TPCN2: variants seen among roughly 807,000 people sequenced by gnomAD.
TPCN2 encodes two pore channel protein 2.
TPCN2 carries 92 observed loss-of-function variants against 111.4 expected under a neutral mutation model. The ratio of observed to expected loss-of-function variants is 0.83; its 90% CI spans 0.70 to 0.98. The LOEUF (loss-of-function observed/expected upper bound fraction) is 0.98. TPCN2 is among the 50% of genes least tolerant of loss of function. The pLI is 0.00. For synonymous variants in TPCN2, 405 were observed against 414.5 expected (o/e 0.98, Z 0.28); for missense variants, 995 against 980.1 (o/e 1.02, Z -0.20).
chr11:69,064,770 G>A (rs959323548), intron 7 of TPCN2, among the ~76,000 whole-genome samples: 1 of 152,246 alleles, frequency 6.6e-6, no homozygotes, highest in African/African-American at 2.4e-5. Flanking sequence ...CACCCAGGGC[G>A]GAAGCGGTCA....
At position 69,063,913 on chromosome 11, in the gene TPCN2, C is replaced by T. The variant is rs1437343382; in HGVS notation, c.672C>T (p.Ala224=). The change falls in exon 7 of 25, where the codon GCC becomes GCT. Residue 224 remains alanine, a synonymous_variant. Coordinates refer to ENST00000294309, the MANE Select transcript of TPCN2 (RefSeq NM_139075.4). The part of the protein sequence containing the change: ...PEMASVGLLL[A]IHLCLFTMFG... ...CCCCCAGCGTCGGGCTGCTGCTGGC[C>T]ATCCACCTGTGCCTCTTCACCATGT... 1.9e-6 allele frequency: 3 copies of T among 1,613,976 alleles called. No homozygotes were observed. The highest frequency in any genetic ancestry group is 2.5e-6 in the Non-Finnish European group (3 of 1,180,010).
At chr11:69,071,683 C>T (rs756104685) in intron 10 of TPCN2, among the ~76,000 whole-genome samples, 15 of 152,198 alleles carry the variant, frequency 9.9e-5, no homozygotes, top group Non-Finnish European at 2.2e-4. Context: ...AGAGGAGAAA[C>T]GCGGCCCAGC....
At chr11:69,080,776 A>G (rs986228140) in intron 17 of TPCN2, among the ~76,000 whole-genome samples, 1 of 152,206 alleles carries the variant, frequency 6.6e-6, no homozygotes, top group Non-Finnish European at 1.5e-5. Context: ...TGGGGCTGGC[A>G]TTGCCTTGTC....
chr11:69,084,082 A>G, intron 19 of TPCN2, 66 bp downstream of exon 19: 1 of 1,533,048 alleles, frequency 6.5e-7, no homozygotes, highest in Non-Finnish European at 9.0e-7. Context: ...GGCTGGCGGA[A>G]GGCAGTGCCG....
chr11:69,071,253 T>C (rs1855523243), intron 9 of TPCN2, 103 bp from the exon 10 acceptor site: 4 of 858,068 alleles, frequency 4.7e-6, no homozygotes, highest in Non-Finnish European at 7.8e-6. Flanking sequence ...TTCCATTTGA[T>C]AGGGGACGCC....
At chr11:69,068,324 T>G (rs1275177635) in intron 8 of TPCN2, among the ~76,000 whole-genome samples, 1 of 132,846 alleles carries the variant, frequency 7.5e-6, no homozygotes, top group Non-Finnish European at 1.6e-5. Context: ...GCCGTCTGAG[T>G]CCTAGGAAGT....
chr11:69,080,662 G>A (rs1437340362), intron 17 of TPCN2, among the ~76,000 whole-genome samples: 1 of 152,206 alleles, frequency 6.6e-6, no homozygotes, highest in African/African-American at 2.4e-5. Context: ...CGCTTGGTGG[G>A]GGTGGGGACG....
In TPCN2 at chr11:69,089,478, T is replaced by C. The variant is rs1306363359; in HGVS notation, c.*1525T>C. The C allele has an allele frequency of 6.6e-6, 1 of 152,268 alleles. No individual in the cohort carries two copies. The highest frequency in any genetic ancestry group is 1.5e-5 in the Non-Finnish European group (1 of 68,058). The allele number at this position is 152,268 out of a possible 1,614,324, so 9.4% of individuals were successfully genotyped here. ...GGACGGTGGCTCCGTCTCCCTGGGC[T>C]TAGACGACCTTGGCACTTCTGGAGA... On this transcript the variant is annotated 3_prime_UTR_variant, in exon 25 of 25. Transcript: ENST00000294309.
At chr11:69,070,762 A>C (rs538711024) in intron 9 of TPCN2, among the ~76,000 whole-genome samples, 89 of 124,596 alleles carry the variant, frequency 7.1e-4, no homozygotes, top group African/African-American at 2.4e-3. Context: ...GCTTCACCCC[A>C]GAGATCCCCC....
rs112099374 is a variant in TPCN2 at position 69,088,073 on chromosome 11, C to G, written c.*120C>G. On this transcript the variant is annotated 3_prime_UTR_variant, in exon 25 of 25. Transcript: ENST00000294309. ...AGGCAGGAAGAGACCTTTCCTCTGA[C>G]GGACCACTAAGCTGGGGACAGGAAC... 1 of 811,972 alleles carries G rather than the reference C, an allele frequency of 1.2e-6. No homozygotes were observed. Among genetic ancestry groups the G allele is most frequent in the Non-Finnish European group, 1.9e-6 (1 of 524,104 alleles). The allele number at this position is 811,972 out of a possible 1,614,324, so 50.3% of individuals were successfully genotyped here.
At chr11:69,056,146 A>G (rs1854754477) in intron 4 of TPCN2, among the ~76,000 whole-genome samples, 2 of 152,182 alleles carry the variant, frequency 1.3e-5, no homozygotes, top group Admixed American at 1.3e-4. Flanking sequence ...ATCCATGCCC[A>G]TGGTGTTAGA....
rs1856384026 is a variant in TPCN2, at chr11:69,089,697, G to A, written c.*1744G>A. The A allele has an allele frequency of 6.6e-6, 1 of 152,420 alleles. No homozygotes were observed. Among genetic ancestry groups the A allele is most frequent in the East Asian group, 1.9e-4 (1 of 5,186 alleles). The allele number at this position is 152,420 out of a possible 1,614,324, so 9.4% of individuals were successfully genotyped here. A position where few individuals can be genotyped will look rare whatever the true frequency, so the allele number is the denominator to read the frequency against. ...CTGGTCAGCTTCTCCACTGCCCAGTGAACGACCCCTTTGTAATGAATGAGT... is the reference window on the plus strand; with the variant it reads ...CTGGTCAGCTTCTCCACTGCCCAGTAAACGACCCCTTTGTAATGAATGAGT... On this transcript the variant is annotated 3_prime_UTR_variant, in exon 25 of 25. Transcript: ENST00000294309.
chr11:69,065,464 A>C (rs1855232222), intron 7 of TPCN2, among the ~76,000 whole-genome samples: 1 of 152,164 alleles, frequency 6.6e-6, no homozygotes, highest in African/African-American at 2.4e-5. Flanking sequence ...CTAGGGGAGC[A>C]AGGTGTACCT....
chr11:69,055,437 G>A (rs1854712609), intron 4 of TPCN2, 85 bp downstream of exon 4: 1 of 1,341,714 alleles, frequency 7.5e-7, no homozygotes, highest in Admixed American at 2.8e-5. Flanking sequence ...CTGATTCTCT[G>A]GAGTGAGCTG....
At chr11:69,075,222 T>C (rs937954883) in intron 13 of TPCN2, among the ~76,000 whole-genome samples, 2 of 152,168 alleles carry the variant, frequency 1.3e-5, no homozygotes, top group Non-Finnish European at 2.9e-5. Context: ...GTTTTCTGAC[T>C]CCTTCTTTCC....
At chr11:69,060,151 C>T (rs1230104762) in intron 5 of TPCN2, among the ~76,000 whole-genome samples, 1 of 152,224 alleles carries the variant, frequency 6.6e-6, no homozygotes, top group African/African-American at 2.4e-5. Flanking sequence ...GTCTTCCACT[C>T]TTCTCTCTCC....
At chr11:69,058,511 C>T (rs12294559) in intron 5 of TPCN2, among the ~76,000 whole-genome samples, 161 of 89,362 alleles carry the variant, frequency 1.8e-3, no homozygotes, top group African/African-American at 4.3e-3. Context: ...TGAGGTTGGT[C>T]CCAGCAGTGC....
chr11:69,067,324 G>A (rs932248902), intron 7 of TPCN2, among the ~76,000 whole-genome samples, 179 bp from the exon 8 acceptor site: 2 of 152,230 alleles, frequency 1.3e-5, no homozygotes, highest in South Asian at 2.1e-4. Context: ...GCCCACTCTT[G>A]CGCCCGGAGA....
chr11:69,055,178 T>G lies in TPCN2; in HGVS notation c.255T>G (p.Thr85=), dbSNP rs1854700563. The change falls in exon 4 of 25, where the codon ACT becomes ACG. Residue 85 remains threonine, a synonymous_variant. Transcript: ENST00000294309. ...CATGTTTCTGTCCCCTTTCCAGGACTTTGAGCTTCACCATCTTCTTGATCC... is the reference window on the plus strand; with the variant it reads ...CATGTTTCTGTCCCCTTTCCAGGACGTTGAGCTTCACCATCTTCTTGATCC... The part of the protein sequence containing the change: ...RRYYSNVCQR[T]LSFTIFLILF... The G allele has an allele frequency of 6.2e-7, 1 of 1,613,888 alleles. No homozygotes were observed. Among genetic ancestry groups the G allele is most frequent in the African/African-American group, 1.3e-5 (1 of 74,950 alleles).
Sources: allele counts gnomAD v4.1 joint callset (sites outside exome capture counted in the v4.1 genomes callset), GRCh38; gene constraint gnomAD v4.1.1; transcripts MANE v1.5; gene names NCBI Gene and HGNC (gene_info 2026-07-23, HGNC 2026-07-21).